Variants in TBC1D1 observed in about 807,000 individuals in gnomAD.
The protein encoded by TBC1D1 is TBC1 (tre-2/USP6, BUB2, cdc16) domain family, member 1.
Under a neutral mutation model 125.6 loss-of-function variants are expected in TBC1D1, and 89 were observed. That is an observed-to-expected ratio of 0.71 (90% CI 0.60 to 0.85). TBC1D1 has a LOEUF of 0.85. TBC1D1 is among the 40% of genes least tolerant of loss of function. The pLI, the probability that TBC1D1 is intolerant of heterozygous loss-of-function variation, is 0.00. For synonymous variants in TBC1D1, 565 were observed against 564.1 expected (o/e 1.00, Z -0.02); for missense variants, 1,377 against 1,469.2 (o/e 0.94, Z 1.03).
intron 19 of TBC1D1, among the ~76,000 whole-genome samples, chr4:38,135,997 C>T (rs1766543122): frequency 6.6e-6 from 1 of 150,674 alleles, no homozygotes; most frequent in African/African-American, 2.4e-5. Flanking sequence ...TAAAATGGAG[C>T]ATGGCAAATC....
At chr4:38,132,538 T>G (rs140895345) in intron 18 of TBC1D1, among the ~76,000 whole-genome samples, 118 of 152,354 alleles carry the variant, frequency 7.7e-4, no homozygotes, top group African/African-American at 2.6e-3. Flanking sequence ...GGGTGACATG[T>G]GGGTTTTGGC....
At chr4:38,040,432 G>T (rs919026879) in intron 8 of TBC1D1, among the ~76,000 whole-genome samples, 1 of 152,158 alleles carries the variant, frequency 6.6e-6, no homozygotes, top group Non-Finnish European at 1.5e-5. Flanking sequence ...GGGACTATAG[G>T]CGTGCGCCAC....
chr4:38,114,964 G>A (rs1762733590), intron 15 of TBC1D1, among the ~76,000 whole-genome samples: 1 of 152,184 alleles, frequency 6.6e-6, no homozygotes, highest in African/African-American at 2.4e-5. Flanking sequence ...TTGTAGTAAG[G>A]CGAGGCCTTT....
At chr4:38,119,970 G>A (rs183365538) in intron 17 of TBC1D1, 24 of 985,286 alleles carry the variant, frequency 2.4e-5, no homozygotes, top group Admixed American at 1.2e-4. Context: ...TTTTTCCTTC[G>A]GCTCATAAAT....
At chr4:37,896,551 G>T (rs1407945559) in intron 1 of TBC1D1, among the ~76,000 whole-genome samples, 1 of 152,114 alleles carries the variant, frequency 6.6e-6, no homozygotes, top group Admixed American at 6.6e-5. Flanking sequence ...TTTAGAGATG[G>T]AAGAAAACTT....
intron 2 of TBC1D1, among the ~76,000 whole-genome samples, chr4:37,994,065 C>T (rs562314995): frequency 2.4e-4 from 36 of 152,210 alleles, no homozygotes; most frequent in Admixed American, 1.8e-3. Context: ...GAGTAAAAAC[C>T]GATTTCAAAT....
At chr4:37,950,730 T>C (rs1343554707) in intron 2 of TBC1D1, among the ~76,000 whole-genome samples, 2 of 151,960 alleles carry the variant, frequency 1.3e-5, no homozygotes, top group African/African-American at 4.8e-5. Context: ...ATCCTGTGAA[T>C]TGGACAAATG....
intron 2 of TBC1D1, among the ~76,000 whole-genome samples, chr4:37,968,116 C>T (rs1198302414): frequency 6.6e-6 from 1 of 152,154 alleles, no homozygotes; most frequent in East Asian, 1.9e-4. Context: ...AATAATTTAG[C>T]TGGTTTTGAA....
chr4:37,892,620 T>A (rs531539903), intron 1 of TBC1D1, among the ~76,000 whole-genome samples: 123 of 152,292 alleles, frequency 8.1e-4, no homozygotes, highest in African/African-American at 2.4e-3. Flanking sequence ...ATCACTAGTG[T>A]AGTTATAAAT....
At chr4:37,918,984 G>C (rs1720324523) in intron 2 of TBC1D1, among the ~76,000 whole-genome samples, 1 of 151,484 alleles carries the variant, frequency 6.6e-6, no homozygotes, top group African/African-American at 2.4e-5. Context: ...TAAGGTTTTA[G>C]ATGATGTTCT....
At chr4:38,049,529 C>G (rs1412713255) in intron 10 of TBC1D1, 89 bp from the exon 11 acceptor site, 1 of 1,439,372 alleles carries the variant, frequency 6.9e-7, no homozygotes, top group South Asian at 1.4e-5. Flanking sequence ...TACTTAGATA[C>G]TGCAATGTTT....
chr4:38,130,303 A>G (rs1578861329), intron 18 of TBC1D1, among the ~76,000 whole-genome samples: 1 of 152,266 alleles, frequency 6.6e-6, no homozygotes, highest in Non-Finnish European at 1.5e-5. Flanking sequence ...AATAGGAAAT[A>G]TAGCTAGATA....
chr4:38,052,728 G>GCGCGCGCACACACA (rs1491148206), intron 11 of TBC1D1, among the ~76,000 whole-genome samples: 1 of 118,276 alleles, frequency 8.5e-6, no homozygotes, highest in African/African-American at 3.5e-5. Context: ...GCGCGCGCGC[G>GCGCGCGCACACACA]CACACACACA....
chr4:37,908,095 G>C (rs1004292146), intron 2 of TBC1D1, among the ~76,000 whole-genome samples: 5 of 152,104 alleles, frequency 3.3e-5, no homozygotes, highest in African/African-American at 7.2e-5. Context: ...AAATGGCGGG[G>C]GTTCTTGAGA....
chr4:37,972,598 T>G (rs1732263844), intron 2 of TBC1D1, among the ~76,000 whole-genome samples: 1 of 151,792 alleles, frequency 6.6e-6, no homozygotes, highest in Non-Finnish European at 1.5e-5. Context: ...AGAGTAGTAT[T>G]TTACAGAAAA....
chr4:38,041,018 A>G (rs1026362380), intron 8 of TBC1D1, among the ~76,000 whole-genome samples: 1 of 152,196 alleles, frequency 6.6e-6, no homozygotes, highest in African/African-American at 2.4e-5. Context: ...TCCCCTTCTC[A>G]AAGGAATTTC....
At chr4:38,135,285 G>A (rs1342499473) in intron 19 of TBC1D1, among the ~76,000 whole-genome samples, 2 of 152,208 alleles carry the variant, frequency 1.3e-5, no homozygotes, top group Admixed American at 6.5e-5. Flanking sequence ...TTGTCTAGAC[G>A]CTGGAGAGCA....
In TBC1D1 at chr4:38,073,018, T is replaced by G. The variant is rs767891654; in HGVS notation, c.2051-16914T>G. On this transcript the variant is annotated intron_variant, in intron 12 of 19. Transcript: ENST00000261439. Reference sequence around the variant, plus strand: ...GTATATTTAACATTTTCTTCATTCATCTGTTGACATTCATCTGCTTCCACC... The same window carrying G: ...GTATATTTAACATTTTCTTCATTCAGCTGTTGACATTCATCTGCTTCCACC... Among the ~76,000 whole-genome samples the G allele has an allele frequency of 2.0e-5, 3 of 152,214 alleles. No individual in the cohort carries two copies. The South Asian group carries it at 6.2e-4, about 32-fold the overall frequency.
chr4:38,093,628 G>A (rs576151071), intron 13 of TBC1D1, among the ~76,000 whole-genome samples: 6 of 148,428 alleles, frequency 4.0e-5, no homozygotes, highest in African/African-American at 1.5e-4. Flanking sequence ...GGGTTCAAGC[G>A]ATTCTCCTGT....
Sources: allele counts gnomAD v4.1 joint callset (sites outside exome capture counted in the v4.1 genomes callset), GRCh38; gene constraint gnomAD v4.1.1; transcripts MANE v1.5; gene names NCBI Gene and HGNC (gene_info 2026-07-23, HGNC 2026-07-21).